Variants in FHIP1A observed in about 807,000 individuals in gnomAD.
The protein encoded by FHIP1A is FHF complex subunit HOOK interacting protein 1A.
A neutral mutation model predicts 88.6 loss-of-function variants in FHIP1A; 61 were observed. The ratio of observed to expected loss-of-function variants is 0.69; its 90% CI spans 0.56 to 0.85. FHIP1A has a LOEUF of 0.85. Ranked by LOEUF, FHIP1A falls within the 40% of genes least tolerant of loss-of-function variation. The probability of loss-of-function intolerance (pLI) is 0.00; values close to 1 mark genes in which losing one functional copy is unlikely to be tolerated. For missense variants in FHIP1A, 1,154 were observed against 1,273.5 expected (o/e 0.91, Z 1.43); for synonymous variants, 478 against 496.0 (o/e 0.96, Z 0.48).
intron 7 of FHIP1A, among the ~76,000 whole-genome samples, chr4:151,600,536 A>G (rs1734824699): frequency 6.6e-6 from 1 of 152,212 alleles, no homozygotes; most frequent in Non-Finnish European, 1.5e-5. Flanking sequence ...CTAGCACTGT[A>G]TAATAAACTA....
chr4:151,568,816 A>G (rs1024832848), intron 4 of FHIP1A, among the ~76,000 whole-genome samples: 1 of 152,208 alleles, frequency 6.6e-6, no homozygotes, highest in Admixed American at 6.5e-5. Flanking sequence ...GATGACAGAC[A>G]GGAAAATAAT....
In FHIP1A at chr4:151,656,213, C is replaced by T. The variant is rs1463186340; in HGVS notation, c.2552-19C>T. 1 of 1,548,262 alleles carries T rather than the reference C, an allele frequency of 6.5e-7. No homozygotes were observed. Among genetic ancestry groups the T allele is most frequent in the Admixed American group, 2.0e-5 (1 of 50,954 alleles). On this transcript the variant is annotated intron_variant, in intron 11 of 13. Coordinates refer to ENST00000435205, the MANE Select transcript of FHIP1A (RefSeq NM_001109977.3). This position sits in a 1 kb window ranked among gnomAD's most constrained non-coding sequence, Gnocchi z 4.2. ...CCTGTGAGCCCAGCCAGCCCTGAAG[C>T]CTTGTGTTCTTCCTGCAGGCCCATT...
chr4:151,588,804 CTT>C (rs1283461910), intron 6 of FHIP1A, 34 bp from the exon 7 acceptor site: 12 of 1,286,120 alleles, frequency 9.3e-6, no homozygotes, highest in South Asian at 2.5e-5. Flanking sequence ...AGATTGAACT[CTT>C]TGCCTTTTTC....
chr4:151,582,389 T>C (rs1340805799), intron 5 of FHIP1A, among the ~76,000 whole-genome samples: 2 of 152,138 alleles, frequency 1.3e-5, no homozygotes, highest in African/African-American at 2.4e-5. Context: ...CTTTCCTTCA[T>C]TGGAAACATT....
intron 3 of FHIP1A, among the ~76,000 whole-genome samples, chr4:151,564,785 A>T (rs1039388832): frequency 6.6e-6 from 1 of 152,120 alleles, no homozygotes; most frequent in Admixed American, 6.6e-5. Flanking sequence ...TTCTTTTTCA[A>T]AAATGTTTCT....
chr4:151,628,046 C>T (rs1002479442), intron 7 of FHIP1A, among the ~76,000 whole-genome samples: 41 of 152,262 alleles, frequency 2.7e-4, no homozygotes, highest in African/African-American at 9.6e-4. Flanking sequence ...GCACTCTTCC[C>T]AGTGCAATTT....
At chr4:151,567,838 A>G (rs1015136104) in intron 4 of FHIP1A, among the ~76,000 whole-genome samples, 1 of 152,178 alleles carries the variant, frequency 6.6e-6, no homozygotes, top group Non-Finnish European at 1.5e-5. Flanking sequence ...TATGTTTTTA[A>G]CTGAGAACAT....
intron 3 of FHIP1A, among the ~76,000 whole-genome samples, chr4:151,541,929 C>G (rs1732309280): frequency 6.6e-6 from 1 of 152,146 alleles, no homozygotes; most frequent in Non-Finnish European, 1.5e-5. Context: ...ACAATTGAGA[C>G]AGCCAAGTAA....
intron 4 of FHIP1A, among the ~76,000 whole-genome samples, chr4:151,569,279 C>T (rs561796242): frequency 5.3e-5 from 8 of 152,154 alleles, no homozygotes; most frequent in African/African-American, 1.4e-4. Context: ...GTTGGCCGGG[C>T]GCTGTGGCTC....
chr4:151,596,758 T>G (rs1209464105), intron 7 of FHIP1A, among the ~76,000 whole-genome samples: 1 of 152,212 alleles, frequency 6.6e-6, no homozygotes, highest in Non-Finnish European at 1.5e-5. Flanking sequence ...GTCTTCATGC[T>G]TTATTTCATT....
rs115904715 is a variant in FHIP1A, at chr4:151,472,274, C to A, written c.-247-10250C>A. ...CTTAAAACAGCTCTTTTCCTGTCAG[C>A]TGGCTTTTAACGTGTATTCAGACCA... On this transcript the variant is annotated intron_variant, in intron 2 of 13. Coordinates refer to ENST00000435205, the MANE Select transcript of FHIP1A (RefSeq NM_001109977.3). Among the ~76,000 whole-genome samples the A allele has an allele frequency of 2.6e-3, 391 of 152,222 alleles. 1 individual carries two copies. The highest frequency in any genetic ancestry group is 9.0e-3 in the African/African-American group (374 of 41,570).
At chr4:151,535,661 A>G (rs559341047) in intron 3 of FHIP1A, among the ~76,000 whole-genome samples, 1 of 152,366 alleles carries the variant, frequency 6.6e-6, no homozygotes, top group African/African-American at 2.4e-5. Context: ...CAGACTGTAC[A>G]GTTTAATGAA....
At chr4:151,603,888 G>T (rs1734970604) in intron 7 of FHIP1A, among the ~76,000 whole-genome samples, 1 of 151,986 alleles carries the variant, frequency 6.6e-6, no homozygotes, top group Non-Finnish European at 1.5e-5. Flanking sequence ...TCTTGACCAG[G>T]GTTAGTTTTC....
chr4:151,506,716 T>A (rs546831134), intron 3 of FHIP1A, among the ~76,000 whole-genome samples: 3 of 152,196 alleles, frequency 2.0e-5, no homozygotes, highest in South Asian at 2.1e-4. Flanking sequence ...ACCCTCATGA[T>A]CCAAGCATCC....
intron 7 of FHIP1A, among the ~76,000 whole-genome samples, chr4:151,594,220 T>C (rs1734558748): frequency 6.6e-6 from 1 of 152,228 alleles, no homozygotes; most frequent in Non-Finnish European, 1.5e-5. Context: ...GTGGTGTCTC[T>C]GCCAGGTTTT....
chr4:151,647,034 C>T (rs1267685955), intron 10 of FHIP1A, among the ~76,000 whole-genome samples: 4 of 152,088 alleles, frequency 2.6e-5, no homozygotes, highest in Admixed American at 2.0e-4. Context: ...AGCATGTCTT[C>T]GGAAACAAGA....
intron 3 of FHIP1A, among the ~76,000 whole-genome samples, chr4:151,511,675 G>A (rs908243464): frequency 4.6e-5 from 7 of 152,214 alleles, no homozygotes; most frequent in African/African-American, 1.2e-4. Flanking sequence ...ACAGAGTCTC[G>A]CTGATTGCTA....
At chr4:151,661,408 GTTTTTT>G (rs5862966) in intron 13 of FHIP1A, among the ~76,000 whole-genome samples, 2 of 128,602 alleles carry the variant, frequency 1.6e-5, no homozygotes, top group African/African-American at 2.8e-5. Context: ...AGTGGAAGTT[GTTTTTT>G]TTTTTTTTTT....
At chr4:151,600,495 A>G (rs1210537786) in intron 7 of FHIP1A, among the ~76,000 whole-genome samples, 1 of 152,182 alleles carries the variant, frequency 6.6e-6, no homozygotes, top group Non-Finnish European at 1.5e-5. Context: ...TAGTAAGTGG[A>G]CTGGTTACAA....
Sources: gnomAD v4.1 joint callset for allele counts (sites outside exome capture counted in the v4.1 genomes callset) on GRCh38, gnomAD v4.1.1 for gene constraint, Gnocchi (gnomAD v3.1) non-coding constraint, MANE v1.5 for transcripts, NCBI Gene and HGNC (gene_info 2026-07-23, HGNC 2026-07-21) for gene names.